Variants in PJA2 observed in about 807,000 individuals in gnomAD.
PJA2 encodes the protein E3 ubiquitin-protein ligase Praja-2.
PJA2 carries 25 observed loss-of-function variants against 69.3 expected under a neutral mutation model. The ratio of observed to expected loss-of-function variants is 0.36; its 90% confidence interval spans 0.26 to 0.50. PJA2 has a LOEUF of 0.50. Ranked by LOEUF, PJA2 falls within the 20% of genes least tolerant of loss-of-function variation. PJA2 has a pLI of 0.96. For synonymous variants in PJA2, 308 were observed against 277.8 expected, an observed-to-expected ratio of 1.11 and a Z score of -1.08; for missense variants, 809 against 830.2, an observed-to-expected ratio of 0.97 and a Z score of 0.31.
intron 5 of PJA2, among the ~76,000 whole-genome samples, chr5:109,364,839 A>G (rs373454756): frequency 0.038 from 5,840 of 152,268 alleles, 118 homozygotes; most frequent in Middle Eastern, 0.051. Flanking sequence ...GGATATAATA[A>G]TTAGCAGAAA....
At chr5:109,369,720 C>G (rs79771111) in intron 4 of PJA2, among the ~76,000 whole-genome samples, 5,796 of 152,210 alleles carry the variant, frequency 0.038, 113 homozygotes, top group Middle Eastern at 0.051. Context: ...CCTTAGGTAG[C>G]ACTGTGAATA....
At chr5:109,353,525 A>T (rs1561345049) in intron 7 of PJA2, among the ~76,000 whole-genome samples, 2 of 122,536 alleles carry the variant, frequency 1.6e-5, no homozygotes, top group South Asian at 4.6e-4. Flanking sequence ...TATATATTAG[A>T]TATCTATAAT....
At chr5:109,387,161 C>A (rs1460556130) in intron 1 of PJA2, among the ~76,000 whole-genome samples, 1 of 152,126 alleles carries the variant, frequency 6.6e-6, no homozygotes, top group Non-Finnish European at 1.5e-5. Context: ...CCTGTCATTA[C>A]TCTCTGTAAC....
chr5:109,355,887 T>C, intron 7 of PJA2, 28 bp downstream of exon 7: 3 of 1,475,720 alleles, frequency 2.0e-6, no homozygotes, highest in Non-Finnish European at 1.9e-6. Context: ...CATCAACTTA[T>C]ATATGGAGAT....
intron 1 of PJA2, chr5:109,390,529 GATA>G (rs1561362050): frequency 6.6e-6 from 1 of 151,898 alleles, no homozygotes; most frequent in Non-Finnish European, 1.5e-5. Context: ...TATAATGTCT[GATA>G]ATCTTTCTCT....
Position 109,378,824 on chromosome 5 carries a change from T to C in PJA2, c.663A>G (p.Ser221=). The part of the protein sequence containing the change: ...AYTGLSPPVP[S]FNCEVRDEFE... ...ACTCATCTCTTACTTCACAGTTAAA[T>C]GAGGGAACTGGTGGTGAAAGACCAG... Residue 221 remains serine, a synonymous_variant, in exon 4 of 10, where the codon TCA becomes TCG. Coordinates refer to ENST00000361189, the MANE Select transcript of PJA2 (RefSeq NM_014819.5). The C allele has an allele frequency of 1.2e-6, 2 of 1,613,744 alleles. No individual in the cohort carries two copies. The highest frequency in any genetic ancestry group is 1.7e-6 in the Non-Finnish European group (2 of 1,180,018).
Position 109,381,692 on chromosome 5 carries a change from C to T in PJA2, c.43G>A (p.Glu15Lys), listed in dbSNP as rs537819600. 12 of 1,613,654 alleles carry T rather than the reference C, an allele frequency of 7.4e-6. No homozygotes were observed. The Admixed American group carries it at 1.2e-4, about 16-fold the overall frequency. ...TEKEPAAMDQ[E>K]SGKAVWPKPA... ...TTGGGCCAGACAGCCTTACCAGATT[C>T]TTGGTCCATTGCTGAAAAAAAAGTT... Residue 15 changes from glutamate to lysine, a missense_variant, in exon 3 of 10, where the codon GAA (glutamate) becomes AAA (lysine). Physicochemically the swap from Glu to Lys is moderately conservative, Grantham distance 56 (BLOSUM62 1). This residue lies in a region of PJA2 where 700 missense variants were observed against 639.5 expected (regional missense o/e 1.09). Coordinates refer to ENST00000361189, the MANE Select transcript of PJA2 (RefSeq NM_014819.5).
intron 7 of PJA2, among the ~76,000 whole-genome samples, chr5:109,351,281 T>C (rs1301621103): frequency 6.6e-6 from 1 of 151,956 alleles, no homozygotes; most frequent in Non-Finnish European, 1.5e-5. Flanking sequence ...ATTCATAAGA[T>C]GAAAATCAGA....
rs140033842 is a variant in PJA2 at position 109,347,341 on chromosome 5, G to T, written c.1765-2522C>A. Among the ~76,000 whole-genome samples, 372 of 152,360 alleles carry T rather than the reference G, an allele frequency of 2.4e-3. 2 individuals are homozygous for T. Among genetic ancestry groups the T allele is most frequent in the African/African-American group, 8.2e-3 (341 of 41,580 alleles). On this transcript the variant is annotated intron_variant, in intron 7 of 9. Coordinates refer to ENST00000361189, the MANE Select transcript of PJA2 (RefSeq NM_014819.5). Reference sequence around the variant, plus strand: ...GCAGAAGGTGCTGGAGAGACACAAGGAAAGGACTTTGCTTCATGGTTCCCT... The same window carrying T: ...GCAGAAGGTGCTGGAGAGACACAAGTAAAGGACTTTGCTTCATGGTTCCCT...
intron 2 of PJA2, 72 bp from the exon 3 acceptor site, chr5:109,381,775 T>C: frequency 8.2e-7 from 1 of 1,217,068 alleles, no homozygotes; most frequent in East Asian, 2.4e-5. Flanking sequence ...TGGGGAAAAC[T>C]ACTTCAGTTT....
At chr5:109,385,155 T>C (rs984531508) in intron 1 of PJA2, among the ~76,000 whole-genome samples, 3 of 152,208 alleles carry the variant, frequency 2.0e-5, no homozygotes, top group Admixed American at 6.5e-5. Flanking sequence ...CCATCAAAGT[T>C]CTGACCACAG....
intron 6 of PJA2, among the ~76,000 whole-genome samples, 180 bp downstream of exon 6, chr5:109,362,660 C>T (rs1339093918): frequency 1.3e-5 from 2 of 152,092 alleles, no homozygotes; most frequent in Non-Finnish European, 2.9e-5. Flanking sequence ...AGGTCACTGA[C>T]TGGAGGAAGT....
chr5:109,393,182 T>C (rs551351197), intron 1 of PJA2, among the ~76,000 whole-genome samples: 1 of 152,176 alleles, frequency 6.6e-6, no homozygotes, highest in South Asian at 2.1e-4. Flanking sequence ...TGTGATAACC[T>C]GCTGAGACGC....
intron 7 of PJA2, among the ~76,000 whole-genome samples, chr5:109,350,210 A>T (rs1233977320): frequency 6.6e-6 from 1 of 152,254 alleles, no homozygotes; most frequent in East Asian, 1.9e-4. Context: ...CATATATTTA[A>T]GATGATCCAG....
chr5:109,363,707 T>C (rs1301161704), intron 5 of PJA2, among the ~76,000 whole-genome samples: 1 of 152,204 alleles, frequency 6.6e-6, no homozygotes, highest in East Asian at 1.9e-4. Flanking sequence ...AACTATAAAA[T>C]TTATTTTTGT....
chr5:109,353,806 C>T (rs888771311), intron 7 of PJA2, among the ~76,000 whole-genome samples: 145 of 131,052 alleles, frequency 1.1e-3, no homozygotes, highest in South Asian at 2.9e-3. Flanking sequence ...CTAGAGATAT[C>T]TATAGATTAG....
chr5:109,380,086 C>CTTT (rs35217352), intron 3 of PJA2, among the ~76,000 whole-genome samples: 1,721 of 74,240 alleles, frequency 0.023, 96 homozygotes, highest in Middle Eastern at 0.058. Flanking sequence ...ACGAAGGGTT[C>CTTT]TTTTTTTTTT....
At chr5:109,409,121 T>C (rs1421200388) in intron 1 of PJA2, 3 of 152,176 alleles carry the variant, frequency 2.0e-5, no homozygotes, top group Non-Finnish European at 4.4e-5. Context: ...CCTCACCATT[T>C]TGAATGTGCG....
intron 1 of PJA2, among the ~76,000 whole-genome samples, chr5:109,399,542 T>A (rs536284230): frequency 1.3e-5 from 2 of 152,240 alleles, no homozygotes; most frequent in African/African-American, 4.8e-5. Flanking sequence ...CTAAGCACAA[T>A]GCAACCACAG....
Sources: allele counts gnomAD v4.1 joint callset (sites outside exome capture counted in the v4.1 genomes callset), GRCh38; gene constraint gnomAD v4.1.1; regional missense constraint gnomAD v4.1.1; transcripts MANE v1.5; gene names NCBI Gene and HGNC (gene_info 2026-07-23, HGNC 2026-07-21).